Variants in MYL5 observed in about 807,000 individuals in gnomAD.
MYL5 encodes myosin regulatory light chain 5.
A neutral mutation model predicts 20.8 loss-of-function variants in MYL5; 28 were observed. That is an observed-to-expected ratio of 1.35 (90% CI 1.00 to 1.84). MYL5 has a LOEUF of 1.84. Ranked by LOEUF, MYL5 falls within the 40% of genes most tolerant of loss-of-function variation. MYL5 has a pLI of 0.00. For missense variants in MYL5, 274 were observed against 227.3 expected, an observed-to-expected ratio of 1.21 and a Z score of -1.32; for synonymous variants, 118 against 87.4, an observed-to-expected ratio of 1.35 and a Z score of -1.95.
At chr4:674,587 C>G (rs986863216), upstream of MYL5, 2 of 393,972 alleles carry the variant, frequency 5.1e-6, no homozygotes, top group Non-Finnish European at 9.3e-6. Context: ...GCGCTGCTGC[C>G]GAGGCCCCGC....
chr4:678,993 C>A lies in MYL5; in HGVS notation c.147C>A (p.Phe49Leu), dbSNP rs1390686748. ...TCATGGATCAGAACCGAGATGGCTT[C>A]ATTGACAAGGAGGACCTGAAGGACA... The change falls in exon 3 of 7, where the codon TTC (phenylalanine) becomes TTA (leucine). Residue 49 changes from phenylalanine (F) to leucine (L), a missense_variant. Physicochemically the swap from Phe to Leu is conservative, Grantham distance 22 (BLOSUM62 0). Transcript: ENST00000400159. 9 of 1,613,710 alleles carry A rather than the reference C, an allele frequency of 5.6e-6. No homozygotes were observed. In the East Asian group the frequency reaches 1.8e-4, roughly 32 times the overall value.
At chr4:680,984 G>A in intron 5 of MYL5, 108 bp from the exon 8 acceptor site, 1 of 1,229,678 alleles carries the variant, frequency 8.1e-7, no homozygotes, top group Non-Finnish European at 1.2e-6. Context: ...GGAAGGGCGG[G>A]AGTGCAGTGA....
chr4:679,267 C>G (rs1422027682), intron 3 of MYL5: 1 of 637,346 alleles, frequency 1.6e-6, no homozygotes, highest in Non-Finnish European at 2.8e-6. Context: ...CCTGGAAACT[C>G]AGAGTGGGCT....
intron 6 of MYL5, among the ~76,000 whole-genome samples, chr4:681,394 C>T (rs1409200068): frequency 6.6e-6 from 1 of 152,086 alleles, no homozygotes; most frequent in Non-Finnish European, 1.5e-5. Context: ...AGCGTCTGTC[C>T]CAGCCGGAGG....
chr4:681,610 C>A (rs1193112751), intron 6 of MYL5, among the ~76,000 whole-genome samples: 1 of 122,736 alleles, frequency 8.1e-6, no homozygotes, highest in Non-Finnish European at 1.7e-5. Flanking sequence ...GCCCCGCCCC[C>A]TCCAGCGCCG....
At chr4:680,921 T>C in intron 5 of MYL5, 171 bp from the exon 8 acceptor site, 1 of 740,604 alleles carries the variant, frequency 1.4e-6, no homozygotes, top group Non-Finnish European at 2.2e-6. Context: ...CCAGAAGTGA[T>C]GGCCCCTGAG....
chr4:678,772 C>G lies in MYL5; in HGVS notation c.111+7C>G, dbSNP rs946791344. 75 of 1,608,718 alleles carry G rather than the reference C, an allele frequency of 4.7e-5. No individual in the cohort carries two copies. Among genetic ancestry groups the G allele is most frequent in the Non-Finnish European group, 5.9e-5 (70 of 1,177,806 alleles). On this transcript the variant is annotated splice_region_variant and intron_variant, in intron 2 of 6. Coordinates refer to ENST00000400159, the Ensembl canonical transcript of MYL5. ...GATCCAGGAGTTCAAGGAGGTGAGA[C>G]TTTCCTGCTTCACTGGGAGCCCCCA...
rs771176130 is a variant in MYL5, at chr4:678,642, G to A, written c.4-16G>A. The A allele has an allele frequency of 5.0e-6, 8 of 1,595,162 alleles. No individual in the cohort carries two copies. The highest frequency in any genetic ancestry group is 1.8e-5 in the Admixed American group (1 of 56,060). On this transcript the variant is annotated splice_polypyrimidine_tract_variant and intron_variant, in intron 1 of 6. Transcript: ENST00000400159. ...CAGCCAGCCCAGGACCCTCAGCCAT[G>A]GTGCTCCCACCGCAGGCCAGCAGGA...
chr4:678,378 C>G, intron 1 of MYL5: 1 of 1,414,040 alleles, frequency 7.1e-7, no homozygotes, highest in Non-Finnish European at 9.2e-7. Flanking sequence ...CAAGCTGGCT[C>G]CTGCTGGACG....
At chr4:677,797 G>T, upstream of MYL5, 1 of 652,984 alleles carries the variant, frequency 1.5e-6, no homozygotes, top group Non-Finnish European at 2.8e-6. Context: ...CTGGCCAGAG[G>T]TATCTGGGGA....
upstream of MYL5, chr4:676,879 C>T (rs1738891995): frequency 4.1e-6 from 4 of 985,386 alleles, no homozygotes; most frequent in Non-Finnish European, 3.6e-6. Flanking sequence ...GGTCCTCAAC[C>T]TCAGGAGTCA....
At chr4:678,489 CCCCAGCTA>C in intron 1 of MYL5, 161 bp from the exon 4 acceptor site, 2 of 1,439,032 alleles carry the variant, frequency 1.4e-6, no homozygotes, top group South Asian at 3.0e-5. Flanking sequence ...CTGCCCCCAA[CCCCAGCTA>C]CCCAGGCCTG....
chr4:682,021 C>A, exon 7 of MYL5: 1 of 1,429,812 alleles, frequency 7.0e-7, no homozygotes, highest in South Asian at 1.5e-5. Flanking sequence ...TAAACCTGGA[C>A]GCTTGGACCC....
chr4:678,258 T>G (rs1187642575), intron 1 of MYL5: 1 of 1,470,052 alleles, frequency 6.8e-7, no homozygotes, highest in East Asian at 2.5e-5. Context: ...CTCACGTTGC[T>G]CTCCTGGTGA....
At chr4:676,868 G>A (rs976156565), upstream of MYL5, 9 of 985,304 alleles carry the variant, frequency 9.1e-6, no homozygotes, top group Admixed American at 6.1e-5. Context: ...CATGCCTCCA[G>A]GGTCCTCAAC....
At chr4:681,725 G>GC (rs1194856387) in intron 6 of MYL5, 168 bp from the exon 9 acceptor site, 2 of 249,738 alleles carry the variant, frequency 8.0e-6, no homozygotes, top group African/African-American at 7.1e-5. Flanking sequence ...GCGCCGCCCC[G>GC]CCCCCTCCAG....
upstream of MYL5, chr4:677,855 C>A: frequency 9.0e-7 from 1 of 1,106,534 alleles, no homozygotes; most frequent in Non-Finnish European, 1.4e-6. Context: ...TGAGTCACTG[C>A]CAGGCTGCCA....
At position 677,925 on chromosome 4, in the gene MYL5, G is replaced by A. The variant is rs1739008458; in HGVS notation, c.-102G>A. The stretch of plus-strand genomic sequence containing the variant: ...AGCCCCAAGCCTGTCCTTGTAGGGA[G>A]TGGCAGCCGGAGTCTGAACTGTCCT... On this transcript the variant is annotated 5_prime_UTR_variant, in exon 1 of 7. In the 5' UTR this introduces an upstream ATG that the reference lacks. Coordinates refer to ENST00000400159, the Ensembl canonical transcript of MYL5. 1.8e-5 allele frequency: 29 copies of A among 1,597,312 alleles called. No homozygotes were observed. The highest frequency in any genetic ancestry group is 2.2e-5 in the Non-Finnish European group (26 of 1,166,126).
intron 6 of MYL5, 102 bp from the exon 9 acceptor site, chr4:681,773 ACCCGGGCCCCTCCCCGCT>A: frequency 8.7e-7 from 1 of 1,150,564 alleles, no homozygotes; most frequent in Admixed American, 5.0e-5. Flanking sequence ...CTCACCCCGC[ACCCGGGCCCCTCCCCGCT>A]CCCCCTCCCG....
Sources: allele counts gnomAD v4.1 joint callset (sites outside exome capture counted in the v4.1 genomes callset), GRCh38; gene constraint gnomAD v4.1.1; transcripts MANE v1.5; gene names NCBI Gene and HGNC (gene_info 2026-07-23, HGNC 2026-07-21).